GBP6: variants seen among roughly 807,000 people sequenced by gnomAD.
The protein encoded by GBP6 is guanylate-binding protein 6.
In GBP6, 54 loss-of-function variants were observed where a neutral mutation model predicts 61.5. The ratio of observed to expected loss-of-function variants is 0.88; its 90% CI spans 0.71 to 1.10. The LOEUF is 1.10. GBP6 is among the 50% of genes least tolerant of loss of function. GBP6 has a pLI of 0.00. For missense variants in GBP6, 748 were observed against 752.8 expected, an observed-to-expected ratio of 0.99 and a Z score of 0.07; for synonymous variants, 255 against 273.7, an observed-to-expected ratio of 0.93 and a Z score of 0.67.
Position 89,381,893 on chromosome 1 carries a change from G to A in GBP6, c.1071G>A (p.Ala357=), listed in dbSNP as rs770849053. 8.7e-6 allele frequency: 14 copies of A among 1,613,962 alleles called. No individual in the cohort carries two copies. Among genetic ancestry groups the A allele is most frequent in the East Asian group, 6.7e-5 (3 of 44,890 alleles). ...DTLQELLDMH[A]ACEREAIAIF... is the part of the protein sequence containing the mutation. ...TCCAGGAGCTGCTGGACATGCATGC[G>A]GCCTGTGAGAGGGAAGCCATTGCAA... is the stretch of plus-strand genomic sequence containing the variant. Residue 357 remains alanine (A), a synonymous_variant, in exon 7 of 11, where the codon GCG becomes GCA. Transcript: ENST00000370456.
chr1:89,368,423 A>T, intron 1 of GBP6, 106 bp from the exon 2 acceptor site: 2 of 729,554 alleles, frequency 2.7e-6, no homozygotes, highest in South Asian at 4.0e-5. Context: ...ATGCTAGATT[A>T]CATGTTGTCC....
Position 89,380,365 on chromosome 1 carries a change from CTG to C in GBP6, c.626-19_626-18del. The C allele has an allele frequency of 6.7e-7, 1 of 1,485,570 alleles. No individual in the cohort carries two copies. Among genetic ancestry groups the C allele is most frequent in the Non-Finnish European group, 8.9e-7 (1 of 1,121,618 alleles). 92.0% of individuals were successfully genotyped at this position (1,485,570 alleles called of 1,614,324 possible). A position where few individuals can be genotyped will look rare whatever the true frequency, so the allele number is the denominator to read the frequency against. On this transcript the variant is annotated intron_variant, in intron 5 of 10. Transcript: ENST00000370456. Reference sequence around the variant, plus strand: ...ACCAAGACTGTTTTCACTATATTCTCTGTTTTTTTTTATCCCTCAGGCAATAA... The same window carrying C: ...ACCAAGACTGTTTTCACTATATTCTCTTTTTTTTTATCCCTCAGGCAATAA...
At position 89,381,825 on chromosome 1, in the gene GBP6, A is replaced by T; in HGVS notation, c.1003A>T (p.Ser335Cys). 6.2e-7 allele frequency: 1 copy of T among 1,614,114 alleles called. No individual in the cohort carries two copies. Among genetic ancestry groups the T allele is most frequent in the Non-Finnish European group, 8.5e-7 (1 of 1,179,986 alleles). ...AAVQRAADYY[S>C]QQMAQRVKLP... ...CGTGCAGAGGGCAGCTGACTACTACAGCCAGCAGATGGCCCAGCGAGTGAA... is the reference window on the plus strand; with the variant it reads ...CGTGCAGAGGGCAGCTGACTACTACTGCCAGCAGATGGCCCAGCGAGTGAA... Residue 335 changes from serine (S) to cysteine (C), a missense_variant, in exon 7 of 11, where the codon AGC becomes TGC. Physicochemically the swap from Ser to Cys is moderately radical, Grantham distance 112. Transcript: ENST00000370456.
intron 3 of GBP6, among the ~76,000 whole-genome samples, chr1:89,375,218 G>T (rs1427046446): frequency 6.6e-6 from 1 of 152,016 alleles, no homozygotes. Context: ...TATGAACAGT[G>T]CTGTAATGAA....
intron 3 of GBP6, among the ~76,000 whole-genome samples, chr1:89,376,441 T>C (rs1652810676): frequency 6.6e-6 from 1 of 152,212 alleles, no homozygotes; most frequent in African/African-American, 2.4e-5. Context: ...GGATATCTGT[T>C]TTCCCAGCAC....
chr1:89,384,274 G>A lies in GBP6; in HGVS notation c.1650G>A (p.Glu550=). 6.2e-7 allele frequency: 1 copy of A among 1,611,622 alleles called. No homozygotes were observed. The highest frequency in any genetic ancestry group is 8.5e-7 in the Non-Finnish European group (1 of 1,178,842). ...HLLREQIMML[E]HTQKVQNDWL... Reference sequence around the variant, plus strand: ...TGAGAGAGCAGATTATGATGTTGGAGCACACGCAGAAGGTAAGTCTGCCCT... The same window carrying A: ...TGAGAGAGCAGATTATGATGTTGGAACACACGCAGAAGGTAAGTCTGCCCT... The change falls in exon 10 of 11, where the codon GAG becomes GAA. Residue 550 remains glutamate, a synonymous_variant. Coordinates refer to ENST00000370456, the MANE Select transcript of GBP6 (RefSeq NM_198460.3).
rs1019590607 is a variant in GBP6, at chr1:89,384,181, A to G, written c.1557A>G (p.Gln519=). The change falls in exon 10 of 11, where the codon CAA becomes CAG. Residue 519 remains glutamine (Q), a synonymous_variant. Transcript: ENST00000370456. ...AGCAGCAGCAACAGATGGAGGCTCA[A>G]GATAAGAGTCGCAAGGAAAACATAG... is the stretch of plus-strand genomic sequence containing the variant. ...LQEQQQQMEA[Q]DKSRKENIAQ... is the part of the protein sequence containing the mutation. 3 of 1,614,074 alleles carry G rather than the reference A, an allele frequency of 1.9e-6. No homozygotes were observed. Among genetic ancestry groups the G allele is most frequent in the Non-Finnish European group, 2.5e-6 (3 of 1,179,930 alleles).
At position 89,368,559 on chromosome 1, in the gene GBP6, C is replaced by T. The variant is rs534543469; in HGVS notation, c.8C>T (p.Ser3Phe). The change falls in exon 2 of 11, where the codon TCT becomes TTT. Residue 3 changes from serine to phenylalanine, a missense_variant. Ser to Phe is a radical substitution (Grantham distance 155). Coordinates refer to ENST00000370456, the MANE Select transcript of GBP6 (RefSeq NM_198460.3). MESGPKMLAPVCL... is the reference protein window; with the variant it reads MEFGPKMLAPVCL... ...TCTAGGTTGGCAGTTGCCATGGAAT[C>T]TGGACCCAAAATGTTGGCCCCCGTT... 1.2e-6 allele frequency: 2 copies of T among 1,613,630 alleles called. No individual in the cohort carries two copies. The highest frequency in any genetic ancestry group is 2.7e-5 in the African/African-American group (2 of 75,040).
chr1:89,383,551 G>A (rs1462195488), intron 8 of GBP6, 101 bp from the exon 9 acceptor site: 2 of 837,504 alleles, frequency 2.4e-6, no homozygotes, highest in Non-Finnish European at 3.9e-6. Context: ...TAGAATTTTA[G>A]GCATAAAGCA....
chr1:89,378,881 T>C (rs1652882220), intron 5 of GBP6, among the ~76,000 whole-genome samples: 1 of 152,196 alleles, frequency 6.6e-6, no homozygotes, highest in Non-Finnish European at 1.5e-5. Context: ...TGCTAAGACT[T>C]TCTAATAACA....
intron 1 of GBP6, among the ~76,000 whole-genome samples, chr1:89,364,470 C>G (rs542026862): frequency 5.3e-5 from 8 of 152,178 alleles, no homozygotes; most frequent in Non-Finnish European, 7.3e-5. Context: ...GCAATTATAC[C>G]GGAAGGGAGA....
intron 7 of GBP6, 144 bp from the exon 8 acceptor site, chr1:89,382,520 T>G: frequency 1.5e-6 from 1 of 668,672 alleles, no homozygotes. Context: ...ATGTATGAAG[T>G]TTTGTGTTTC....
intron 10 of GBP6, among the ~76,000 whole-genome samples, chr1:89,384,515 C>A (rs952579086): frequency 6.6e-6 from 1 of 152,136 alleles, no homozygotes. Flanking sequence ...ACTATGATCC[C>A]TACAAGTCCT....
intron 8 of GBP6, 55 bp from the exon 9 acceptor site, chr1:89,383,597 A>G: frequency 2.4e-6 from 3 of 1,254,934 alleles, no homozygotes; most frequent in Non-Finnish European, 2.3e-6. Flanking sequence ...TGCAACACTA[A>G]TACCCAGAAC....
chr1:89,366,330 C>T (rs1236012078), intron 1 of GBP6, among the ~76,000 whole-genome samples: 1 of 152,112 alleles, frequency 6.6e-6, no homozygotes, highest in Non-Finnish European at 1.5e-5. Context: ...CTACGTATTT[C>T]AGCCTGTACT....
intron 5 of GBP6, among the ~76,000 whole-genome samples, chr1:89,378,984 C>G (rs1205329560): frequency 6.6e-6 from 1 of 152,034 alleles, no homozygotes; most frequent in Non-Finnish European, 1.5e-5. Context: ...CAATGAAAAG[C>G]CTATCTAATA....
chr1:89,380,852 C>T (rs1652957441), intron 6 of GBP6, among the ~76,000 whole-genome samples: 1 of 152,052 alleles, frequency 6.6e-6, no homozygotes, highest in African/African-American at 2.4e-5. Context: ...TTCCACATAT[C>T]TGAAAAAAAT....
chr1:89,371,573 T>C (rs1652642698), intron 3 of GBP6, among the ~76,000 whole-genome samples: 1 of 152,188 alleles, frequency 6.6e-6, no homozygotes, highest in Non-Finnish European at 1.5e-5. Flanking sequence ...CACATGATTA[T>C]CTCAATAGAT....
rs189504698 is a variant in GBP6, at chr1:89,366,153, T to C, written c.-24+2026T>C. Reference sequence around the variant, plus strand: ...ATTGACTTTATCTCTCAAAAAGAAATCTCTCTAACTTATCTATTAATATGT... The same window carrying C: ...ATTGACTTTATCTCTCAAAAAGAAACCTCTCTAACTTATCTATTAATATGT... On this transcript the variant is annotated intron_variant, in intron 1 of 10. Coordinates refer to ENST00000370456, the MANE Select transcript of GBP6 (RefSeq NM_198460.3). 1.9e-3 allele frequency among the ~76,000 whole-genome samples: 283 copies of C among 152,292 alleles called. 1 individual carries two copies. The highest frequency in any genetic ancestry group is 3.4e-3 in the Non-Finnish European group (230 of 68,016).
Sources: gnomAD v4.1 joint callset for allele counts (sites outside exome capture counted in the v4.1 genomes callset) on GRCh38, gnomAD v4.1.1 for gene constraint, MANE v1.5 for transcripts, NCBI Gene and HGNC (gene_info 2026-07-23, HGNC 2026-07-21) for gene names.